SH3RF1: variants seen among roughly 807,000 people sequenced by gnomAD.
The protein encoded by SH3RF1 is SH3 domain containing ring finger 1.
Under a neutral mutation model 74.0 loss-of-function variants are expected in SH3RF1, and 32 were observed. The ratio of observed to expected loss-of-function variants is 0.43; its 90% CI spans 0.33 to 0.58. The LOEUF is 0.58. Among genes scored for constraint, SH3RF1 ranks in the 20% least tolerant of loss-of-function variants. The pLI is 0.05. For missense variants in SH3RF1, 954 were observed against 1,130.9 expected, an observed-to-expected ratio of 0.84 and a Z score of 2.24; for synonymous variants, 396 against 439.6, an observed-to-expected ratio of 0.90 and a Z score of 1.24.
At position 169,261,805 on chromosome 4, in the gene SH3RF1, C is replaced by A. The variant is rs546193459; in HGVS notation, c.393+7015G>T. ...AGTGGTTACCCCTAGAGATTAGGAACAAAGGAGTAGAGATATTGGAAGCCT... is the reference window on the plus strand; with the variant it reads ...AGTGGTTACCCCTAGAGATTAGGAAAAAAGGAGTAGAGATATTGGAAGCCT... On this transcript the variant is annotated intron_variant, in intron 2 of 11. Coordinates refer to ENST00000284637, the MANE Select transcript of SH3RF1 (RefSeq NM_020870.4). Among the ~76,000 whole-genome samples the A allele has an allele frequency of 8.5e-5, 13 of 152,190 alleles. No homozygotes were observed. In the South Asian group the frequency reaches 1.5e-3, roughly 17 times the overall value.
intron 11 of SH3RF1, among the ~76,000 whole-genome samples, chr4:169,097,525 T>C (rs1179178521): frequency 6.6e-6 from 1 of 152,218 alleles, no homozygotes; most frequent in Non-Finnish European, 1.5e-5. Context: ...CCATGCTCCT[T>C]AGCCTTCCTG....
At chr4:169,225,306 TC>T (rs1230715042) in intron 2 of SH3RF1, among the ~76,000 whole-genome samples, 1 of 152,086 alleles carries the variant, frequency 6.6e-6, no homozygotes, top group Non-Finnish European at 1.5e-5. Context: ...GTAGGAAAAG[TC>T]AGCTGGATTT....
chr4:169,163,346 A>T (rs1235558408), intron 2 of SH3RF1, among the ~76,000 whole-genome samples: 1 of 152,184 alleles, frequency 6.6e-6, no homozygotes, highest in Non-Finnish European at 1.5e-5. Context: ...AAACAAACTG[A>T]AATACATTTG....
At chr4:169,131,726 T>C (rs1733624203) in intron 5 of SH3RF1, among the ~76,000 whole-genome samples, 1 of 152,256 alleles carries the variant, frequency 6.6e-6, no homozygotes, top group African/African-American at 2.4e-5. Flanking sequence ...AAACTGAAAG[T>C]ACCTCTGACT....
chr4:169,155,603 C>T, intron 3 of SH3RF1, 28 bp from the exon 4 acceptor site: 1 of 1,489,558 alleles, frequency 6.7e-7, no homozygotes, highest in Non-Finnish European at 9.4e-7. Flanking sequence ...CATTAATCTA[C>T]CTGATCATTA....
chr4:169,207,426 CAAAT>C (rs1266480380), intron 2 of SH3RF1, among the ~76,000 whole-genome samples: 4 of 152,100 alleles, frequency 2.6e-5, no homozygotes, highest in African/African-American at 9.7e-5. Context: ...GACCCTGTCT[CAAAT>C]AAATAAGTAA....
intron 5 of SH3RF1, among the ~76,000 whole-genome samples, chr4:169,132,378 C>T (rs1268730505): frequency 6.6e-6 from 1 of 152,106 alleles, no homozygotes; most frequent in Non-Finnish European, 1.5e-5. Flanking sequence ...AGCAGGTGGA[C>T]CAGAGGCTAC....
chr4:169,148,721 T>A (rs890256407), intron 4 of SH3RF1, among the ~76,000 whole-genome samples: 2 of 151,234 alleles, frequency 1.3e-5, no homozygotes, highest in Non-Finnish European at 3.0e-5. Context: ...GGAGAGGGGG[T>A]TTTTTTTGGT....
chr4:169,140,416 G>A (rs1217610051), intron 4 of SH3RF1, among the ~76,000 whole-genome samples: 1 of 152,094 alleles, frequency 6.6e-6, no homozygotes. Context: ...CCAAGCATTT[G>A]GTAAGGAGCT....
chr4:169,223,731 TG>T (rs1263808823), intron 2 of SH3RF1, among the ~76,000 whole-genome samples: 5 of 152,198 alleles, frequency 3.3e-5, no homozygotes, highest in African/African-American at 9.7e-5. Flanking sequence ...AATTTCAGGT[TG>T]TGATAAGCGC....
chr4:169,195,873 G>A (rs1382702420), intron 2 of SH3RF1, among the ~76,000 whole-genome samples: 2 of 152,014 alleles, frequency 1.3e-5, no homozygotes, highest in African/African-American at 2.4e-5. Context: ...TTTTTAGACA[G>A]AGTCTCACTT....
intron 5 of SH3RF1, among the ~76,000 whole-genome samples, chr4:169,135,452 G>C (rs1733684257): frequency 6.6e-6 from 1 of 152,084 alleles, no homozygotes; most frequent in Non-Finnish European, 1.5e-5. Context: ...AATTCCTTCT[G>C]CTTGTGACAG....
chr4:169,139,239 G>T (rs932649771), intron 4 of SH3RF1, among the ~76,000 whole-genome samples: 2 of 152,174 alleles, frequency 1.3e-5, no homozygotes, highest in African/African-American at 2.4e-5. Context: ...ACTGTGCCTG[G>T]ACTCTGAGCA....
intron 2 of SH3RF1, among the ~76,000 whole-genome samples, chr4:169,241,703 G>A (rs1291550876): frequency 1.1e-4 from 17 of 152,192 alleles, no homozygotes; most frequent in Admixed American, 1.1e-3. Context: ...AAAAACACAG[G>A]CTGAAACAAA....
At chr4:169,221,644 A>C (rs1730565407) in intron 2 of SH3RF1, among the ~76,000 whole-genome samples, 1 of 152,230 alleles carries the variant, frequency 6.6e-6, no homozygotes, top group Admixed American at 6.5e-5. Context: ...TGCTCCTTAT[A>C]ACATACCTTG....
chr4:169,105,958 G>A (rs888089321), intron 11 of SH3RF1, among the ~76,000 whole-genome samples: 1 of 151,926 alleles, frequency 6.6e-6, no homozygotes, highest in African/African-American at 2.4e-5. Flanking sequence ...GGCATGCAGT[G>A]CAACACAAAA....
intron 2 of SH3RF1, among the ~76,000 whole-genome samples, chr4:169,218,955 ACTT>A (rs1263202332): frequency 6.6e-6 from 1 of 152,182 alleles, no homozygotes. Flanking sequence ...TAGCAGTCAG[ACTT>A]CTTAACAGAC....
chr4:169,251,581 C>T (rs978980685), intron 2 of SH3RF1, among the ~76,000 whole-genome samples: 4 of 152,180 alleles, frequency 2.6e-5, no homozygotes, highest in Admixed American at 2.0e-4. Context: ...TGGCTTTCGT[C>T]CTTCAAAAGC....
At chr4:169,128,721 G>A (rs912270053) in intron 6 of SH3RF1, among the ~76,000 whole-genome samples, 2 of 152,184 alleles carry the variant, frequency 1.3e-5, no homozygotes, top group Non-Finnish European at 2.9e-5. Flanking sequence ...TGGAGTCTTT[G>A]CTGGAGGGGC....
Sources: gnomAD v4.1 joint callset for allele counts (sites outside exome capture counted in the v4.1 genomes callset) on GRCh38, gnomAD v4.1.1 for gene constraint, MANE v1.5 for transcripts, NCBI Gene and HGNC (gene_info 2026-07-23, HGNC 2026-07-21) for gene names.